XRRA1: variants seen among roughly 807,000 people sequenced by gnomAD.
The protein encoded by XRRA1 is X-ray radiation resistance-associated protein 1.
In XRRA1, 69 loss-of-function variants were observed where a neutral mutation model predicts 80.2. That is an observed-to-expected ratio of 0.86 (90% confidence interval 0.71 to 1.05). The LOEUF is 1.05. Ranked by LOEUF, XRRA1 falls within the 50% of genes least tolerant of loss-of-function variation. XRRA1 has a pLI of 0.00. For synonymous variants in XRRA1, 348 were observed against 389.9 expected (o/e 0.89, Z 1.27); for missense variants, 967 against 976.4 (o/e 0.99, Z 0.13).
At chr11:74,867,223 T>C (rs2043649934) in intron 10 of XRRA1, among the ~76,000 whole-genome samples, 1 of 152,114 alleles carries the variant, frequency 6.6e-6, no homozygotes, top group Non-Finnish European at 1.5e-5. Flanking sequence ...CCAGCAATGG[T>C]TCTTAAACAG....
At chr11:74,851,931 G>A in intron 13 of XRRA1, 58 bp downstream of exon 13, 2 of 1,439,022 alleles carry the variant, frequency 1.4e-6, no homozygotes, top group South Asian at 1.1e-5. Flanking sequence ...GGGGATGAGG[G>A]TGCCACACTG....
At chr11:74,931,068 A>G (rs2139429731) in intron 5 of XRRA1, among the ~76,000 whole-genome samples, 1 of 151,824 alleles carries the variant, frequency 6.6e-6, no homozygotes, top group African/African-American at 2.4e-5. Flanking sequence ...CAGCCTCCCA[A>G]AGTGCTAGGA....
chr11:74,917,426 CCA>C (rs1446939326), intron 8 of XRRA1, among the ~76,000 whole-genome samples: 3 of 152,092 alleles, frequency 2.0e-5, no homozygotes, highest in Non-Finnish European at 1.5e-5. Flanking sequence ...TTATTTGTGT[CCA>C]CAGTTTCAAA....
chr11:74,914,951 C>T (rs915769712), intron 8 of XRRA1, among the ~76,000 whole-genome samples: 2 of 152,146 alleles, frequency 1.3e-5, no homozygotes, highest in African/African-American at 2.4e-5. Flanking sequence ...GTACTGCTAC[C>T]TCTTCATCAA....
intron 10 of XRRA1, among the ~76,000 whole-genome samples, chr11:74,870,021 A>G (rs2044403661): frequency 6.6e-6 from 1 of 152,182 alleles, no homozygotes; most frequent in African/African-American, 2.4e-5. Flanking sequence ...TAGATTCATC[A>G]GAAGGGTGAG....
intron 16 of XRRA1, among the ~76,000 whole-genome samples, chr11:74,844,833 ATC>A (rs2037598904): frequency 6.6e-6 from 1 of 152,246 alleles, no homozygotes; most frequent in African/African-American, 2.4e-5. Flanking sequence ...ACCAACTAGA[ATC>A]TCTGAATAAA....
intron 5 of XRRA1, among the ~76,000 whole-genome samples, chr11:74,930,812 G>A (rs1167756755): frequency 6.6e-6 from 1 of 152,060 alleles, no homozygotes; most frequent in Non-Finnish European, 1.5e-5. Flanking sequence ...GTGTTTGTTT[G>A]TTTGTTTTTG....
intron 1 of XRRA1, among the ~76,000 whole-genome samples, chr11:74,947,905 A>C (rs1159831904): frequency 6.6e-6 from 1 of 152,050 alleles, no homozygotes; most frequent in Non-Finnish European, 1.5e-5. Context: ...TTGTATTTTT[A>C]GTAGAGACGG....
At chr11:74,855,993 G>A (rs192820582) in intron 12 of XRRA1, among the ~76,000 whole-genome samples, 3,160 of 152,164 alleles carry the variant, frequency 0.021, 126 homozygotes, top group African/African-American at 0.072. Flanking sequence ...TTAGCCAGGC[G>A]TGGTAGCGGG....
At chr11:74,939,891 G>C (rs1474903284) in intron 3 of XRRA1, among the ~76,000 whole-genome samples, 2 of 152,100 alleles carry the variant, frequency 1.3e-5, no homozygotes, top group African/African-American at 4.8e-5. Context: ...GAGAGCGAGA[G>C]CAAGAGAGAG....
At chr11:74,944,588 C>T (rs1426837172) in intron 2 of XRRA1, among the ~76,000 whole-genome samples, 1 of 152,198 alleles carries the variant, frequency 6.6e-6, no homozygotes, top group Non-Finnish European at 1.5e-5. Flanking sequence ...GGAGGCTTGT[C>T]TTATGTATTC....
At chr11:74,906,655 G>C (rs1040589471) in intron 9 of XRRA1, among the ~76,000 whole-genome samples, 199 bp from the exon 10 acceptor site, 5 of 152,074 alleles carry the variant, frequency 3.3e-5, no homozygotes, top group African/African-American at 9.7e-5. Flanking sequence ...AACCTTTCAG[G>C]GTTCTTGTGA....
At chr11:74,891,766 A>T (rs2050770048) in intron 10 of XRRA1, among the ~76,000 whole-genome samples, 1 of 152,190 alleles carries the variant, frequency 6.6e-6, no homozygotes, top group Non-Finnish European at 1.5e-5. Flanking sequence ...AATAACAGAC[A>T]AACAGAGAGC....
chr11:74,888,185 C>CT (rs1351811441), intron 10 of XRRA1, among the ~76,000 whole-genome samples: 14 of 152,230 alleles, frequency 9.2e-5, no homozygotes, highest in Admixed American at 6.5e-5. Flanking sequence ...TAGGGGCAGA[C>CT]TGACACCTCA....
intron 5 of XRRA1, among the ~76,000 whole-genome samples, chr11:74,931,475 C>T (rs956752855): frequency 6.6e-6 from 1 of 151,866 alleles, no homozygotes; most frequent in Non-Finnish European, 1.5e-5. Flanking sequence ...CAGGTGTCTG[C>T]CACCATGCCC....
At chr11:74,846,024 A>G (rs758497197) in intron 15 of XRRA1, 4 of 152,158 alleles carry the variant, frequency 2.6e-5, no homozygotes, top group Non-Finnish European at 5.9e-5. Context: ...GAGTGTCCAC[A>G]GTATGTTTGG....
chr11:74,926,621 T>C (rs1010240333), intron 7 of XRRA1, among the ~76,000 whole-genome samples: 3 of 152,288 alleles, frequency 2.0e-5, no homozygotes, highest in South Asian at 4.1e-4. Flanking sequence ...GACTCTCAGG[T>C]AGTGACAAAA....
At chr11:74,937,233 T>A (rs990810024) in intron 3 of XRRA1, among the ~76,000 whole-genome samples, 165 bp from the exon 4 acceptor site, 7 of 152,184 alleles carry the variant, frequency 4.6e-5, no homozygotes, top group Admixed American at 3.9e-4. Flanking sequence ...TACCTATCTA[T>A]GTCATTTAAT....
At chr11:74,943,600 CAT>C (rs1395977106) in intron 2 of XRRA1, among the ~76,000 whole-genome samples, 3 of 143,488 alleles carry the variant, frequency 2.1e-5, no homozygotes, top group Non-Finnish European at 4.6e-5. Flanking sequence ...TGCACCTGCT[CAT>C]AGAGGCAGCA....
Sources: allele counts gnomAD v4.1 joint callset (sites outside exome capture counted in the v4.1 genomes callset), GRCh38; gene constraint gnomAD v4.1.1; transcripts MANE v1.5; gene names NCBI Gene and HGNC (gene_info 2026-07-23, HGNC 2026-07-21).